The following SYNE1 variants were observed in gnomAD, a reference collection of about 807,000 sequenced individuals.
SYNE1 encodes the protein nesprin-1.
Under a neutral mutation model 1,111.0 loss-of-function variants are expected in SYNE1, and 616 were observed. The ratio of observed to expected loss-of-function variants is 0.55; its 90% CI spans 0.52 to 0.59. The LOEUF is 0.59. SYNE1 is among the 20% of genes least tolerant of loss of function. The pLI, the probability that SYNE1 is intolerant of heterozygous loss-of-function variation, is 0.00. For synonymous variants in SYNE1, 3,855 were observed against 3,825.8 expected, an observed-to-expected ratio of 1.01 and a Z score of -0.28; for missense variants, 10,006 against 10,417.0, an observed-to-expected ratio of 0.96 and a Z score of 1.72.
intron 11 of SYNE1, among the ~76,000 whole-genome samples, chr6:152,492,116 G>A (rs193074644): frequency 2.9e-4 from 44 of 152,248 alleles, no homozygotes; most frequent in Admixed American, 1.3e-3. Context: ...AAGTATAAAA[G>A]CCCAGCCCAG....
At chr6:152,392,085 C>A (rs1488905953) in intron 51 of SYNE1, among the ~76,000 whole-genome samples, 1 of 152,082 alleles carries the variant, frequency 6.6e-6, no homozygotes, top group Non-Finnish European at 1.5e-5. Context: ...GCATCCACAC[C>A]AATTCAGGGT....
intron 106 of SYNE1, among the ~76,000 whole-genome samples, 162 bp downstream of exon 106, chr6:152,244,375 C>T (rs533034372): frequency 7.4e-4 from 112 of 152,234 alleles, no homozygotes; most frequent in African/African-American, 2.6e-3. Context: ...TTGTACTAAA[C>T]ATGTTAAGCT....
In SYNE1 at chr6:152,378,866, T is replaced by C. The variant is rs551447752; in HGVS notation, c.9010-1954A>G. Among the ~76,000 whole-genome samples the C allele has an allele frequency of 3.3e-5, 5 of 152,354 alleles. No homozygotes were observed. In the South Asian group the frequency reaches 8.3e-4, roughly 25 times the overall value. On this transcript the variant is annotated intron_variant, in intron 56 of 145. Transcript: ENST00000367255. Reference sequence around the variant, plus strand: ...TATCTCCCCACCTAGGCTGTGATTATGAGAGCAGGAATGACATTCTCTTGG... The same window carrying C: ...TATCTCCCCACCTAGGCTGTGATTACGAGAGCAGGAATGACATTCTCTTGG...
At chr6:152,222,419 C>G (rs772587012) in intron 117 of SYNE1, among the ~76,000 whole-genome samples, 1 of 152,194 alleles carries the variant, frequency 6.6e-6, no homozygotes, top group Non-Finnish European at 1.5e-5. Flanking sequence ...TTGTTACATA[C>G]CCGCAGTGCT....
At chr6:152,400,348 T>C (rs1403588495) in intron 47 of SYNE1, among the ~76,000 whole-genome samples, 1 of 152,182 alleles carries the variant, frequency 6.6e-6, no homozygotes, top group Admixed American at 6.5e-5. Flanking sequence ...ATTAGGAATG[T>C]TATCTATTAA....
At chr6:152,502,150 T>C (rs1264680132) in intron 10 of SYNE1, among the ~76,000 whole-genome samples, 2 of 152,196 alleles carry the variant, frequency 1.3e-5, no homozygotes, top group African/African-American at 4.8e-5. Context: ...ATTTAAATTA[T>C]TTAAAGGCTG....
At position 152,323,515 on chromosome 6, in the gene SYNE1, T is replaced by C. The variant is rs768403781; in HGVS notation, c.15880A>G (p.Met5294Val). The change falls in exon 82 of 146, where the codon ATG becomes GTG. Residue 5294 changes from methionine (M) to valine (V), a missense_variant. Met to Val is a conservative substitution (Grantham distance 21). Around this residue, in one of 7 missense-constraint regions of SYNE1, gnomAD observed 4,955 missense variants for 5,017.2 expected, o/e 0.99. Coordinates refer to ENST00000367255, the MANE Select transcript of SYNE1 (RefSeq NM_182961.4). ...APTPGEEPPL[M>V]QEITAMQDRC... is the part of the protein sequence containing the mutation. ...TCTTGCATGGCGGTGATTTCCTGCA[T>C]GAGCGGAGGCTCTTCCCCAGGGGTT... 3.6e-5 allele frequency: 58 copies of C among 1,613,990 alleles called. No individual in the cohort carries two copies. The highest frequency in any genetic ancestry group is 4.9e-5 in the Non-Finnish European group (58 of 1,180,000).
intron 11 of SYNE1, among the ~76,000 whole-genome samples, chr6:152,488,954 C>T (rs570459767): frequency 6.6e-6 from 1 of 152,216 alleles, no homozygotes; most frequent in South Asian, 2.1e-4. Context: ...GTCTATATTA[C>T]TATTTAAACT....
intron 63 of SYNE1, chr6:152,363,674 T>A (rs2096991314): frequency 2.2e-6 from 1 of 453,278 alleles, no homozygotes. Context: ...CACAGTCCAG[T>A]TGGACTTCTA....
chr6:152,458,998 T>C (rs1194698463), intron 21 of SYNE1, 68 bp from the exon 22 acceptor site: 8 of 1,351,994 alleles, frequency 5.9e-6, no homozygotes, highest in Non-Finnish European at 8.4e-6. Flanking sequence ...GGAACGTTCA[T>C]AGCTCTGAGG....
At chr6:152,300,240 G>C (rs2095097914) in intron 93 of SYNE1, among the ~76,000 whole-genome samples, 1 of 152,150 alleles carries the variant, frequency 6.6e-6, no homozygotes, top group Non-Finnish European at 1.5e-5. Context: ...TTCAAAATCT[G>C]AGCTGGTAAA....
At chr6:152,363,407 T>C (rs995799415) in intron 63 of SYNE1, among the ~76,000 whole-genome samples, 4 of 150,254 alleles carry the variant, frequency 2.7e-5, no homozygotes, top group Admixed American at 1.3e-4. Context: ...GGCAGGAGAA[T>C]GGCGTGAACC....
chr6:152,363,277 G>A (rs1282692588), intron 63 of SYNE1, among the ~76,000 whole-genome samples: 370 of 147,962 alleles, frequency 2.5e-3, no homozygotes, highest in Non-Finnish European at 3.8e-3. Context: ...GGTGGATCAC[G>A]AGGTCAGGAG....
rs762357598 is a variant in SYNE1 at position 152,505,207 on chromosome 6, G to A, written c.772C>T (p.Pro258Ser). 1 of 1,613,888 alleles carries A rather than the reference G, an allele frequency of 6.2e-7. No homozygotes were observed. Among genetic ancestry groups the A allele is most frequent in the Non-Finnish European group, 8.5e-7 (1 of 1,179,926 alleles). Reference protein sequence around the residue: ...TELGIPRLLDPEDVDVDKPDE... With the variant: ...TELGIPRLLDSEDVDVDKPDE... ...CAATGAATATTCAGCCTACCTTCAGGATCTAGCAGTCTTGGGATCCCCAGT... is the reference window on the plus strand; with the variant it reads ...CAATGAATATTCAGCCTACCTTCAGAATCTAGCAGTCTTGGGATCCCCAGT... The change falls in exon 9 of 146, where the codon CCT (proline) becomes TCT (serine). Residue 258 changes from proline (P) to serine (S), a missense_variant. Physicochemically the swap from Pro to Ser is moderately conservative, Grantham distance 74. Coordinates refer to ENST00000367255, the MANE Select transcript of SYNE1 (RefSeq NM_182961.4).
chr6:152,297,980 C>A (rs2094971842), intron 93 of SYNE1, among the ~76,000 whole-genome samples: 1 of 152,158 alleles, frequency 6.6e-6, no homozygotes, highest in Non-Finnish European at 1.5e-5. Flanking sequence ...CTATAAATAA[C>A]TACTAAAGTC....
intron 70 of SYNE1, among the ~76,000 whole-genome samples, chr6:152,351,669 G>T (rs958346744): frequency 6.6e-6 from 1 of 152,142 alleles, no homozygotes; most frequent in African/African-American, 2.4e-5. Context: ...AAGATGAAGG[G>T]AAGCCTCAAT....
intron 127 of SYNE1, among the ~76,000 whole-genome samples, chr6:152,196,354 T>G (rs1210773266): frequency 6.6e-6 from 1 of 152,038 alleles, no homozygotes; most frequent in Non-Finnish European, 1.5e-5. Context: ...AAGAGGACTC[T>G]CTTCATAGCC....
Position 152,330,059 on chromosome 6 carries a change from C to A in SYNE1, c.14626G>T (p.Val4876Leu). 1 of 1,614,158 alleles carries A rather than the reference C, an allele frequency of 6.2e-7. No homozygotes were observed. Among genetic ancestry groups the A allele is most frequent in the African/African-American group, 1.3e-5 (1 of 75,012 alleles). ...ACCATTCGGCTCTCACATTCTGTCACCGTCTCACCAATGGCAGAAGTCAAC... is the reference window on the plus strand; with the variant it reads ...ACCATTCGGCTCTCACATTCTGTCAACGTCTCACCAATGGCAGAAGTCAAC... ...KLLTSAIGET[V>L]TECESRMVQS... The change falls in exon 78 of 146, where the codon GTG becomes TTG. Residue 4876 changes from valine (V) to leucine (L), a missense_variant. Physicochemically the swap from Val to Leu is conservative, Grantham distance 32. Around this residue, in one of 7 missense-constraint regions of SYNE1, gnomAD observed 4,955 missense variants for 5,017.2 expected, o/e 0.99. Transcript: ENST00000367255.
chr6:152,209,203 A>G (rs1480748674), intron 124 of SYNE1, among the ~76,000 whole-genome samples: 2 of 152,146 alleles, frequency 1.3e-5, no homozygotes, highest in Non-Finnish European at 2.9e-5. Context: ...TCTTCTCTTG[A>G]GGGTAGCATC....
Sources: allele counts gnomAD v4.1 joint callset (sites outside exome capture counted in the v4.1 genomes callset), GRCh38; gene constraint gnomAD v4.1.1; regional missense constraint gnomAD v4.1.1; transcripts MANE v1.5; gene names NCBI Gene and HGNC (gene_info 2026-07-23, HGNC 2026-07-21).